ZSWIM7: variants seen among roughly 807,000 people sequenced by gnomAD.
The protein encoded by ZSWIM7 is zinc finger SWIM-type containing 7.
In ZSWIM7, 22 loss-of-function variants were observed where a neutral mutation model predicts 21.1. The ratio of observed to expected loss-of-function variants is 1.04; its 90% CI spans 0.74 to 1.49. The LOEUF (loss-of-function observed/expected upper bound fraction) is 1.49, where lower values mean the gene tolerates loss of function less well. ZSWIM7 is among the 40% of genes most tolerant of loss of function. ZSWIM7 has a pLI of 0.00. For synonymous variants in ZSWIM7, 67 were observed against 66.5 expected (o/e 1.01, Z -0.04); for missense variants, 193 against 168.0 (o/e 1.15, Z -0.82).
intron 3 of ZSWIM7, among the ~76,000 whole-genome samples, chr17:15,982,826 T>A (rs1380730783): frequency 6.6e-6 from 1 of 151,916 alleles, no homozygotes; most frequent in Non-Finnish European, 1.5e-5. Context: ...AATTTTAAAA[T>A]TTTTTTTGTA....
intron 2 of ZSWIM7, among the ~76,000 whole-genome samples, chr17:15,990,219 C>CAAA (rs71299859): frequency 1.3e-4 from 10 of 76,026 alleles, no homozygotes; most frequent in African/African-American, 4.2e-4. Flanking sequence ...AACTCTGTCT[C>CAAA]AAAAAAAAAA....
intron 3 of ZSWIM7, among the ~76,000 whole-genome samples, chr17:15,981,442 A>C: frequency 6.8e-6 from 1 of 146,784 alleles, no homozygotes; most frequent in African/African-American, 2.5e-5. Flanking sequence ...GGCCCACTCT[A>C]TGGGCTGACT....
intron 1 of ZSWIM7, among the ~76,000 whole-genome samples, chr17:15,994,362 A>G (rs143121118): frequency 9.6e-4 from 146 of 152,332 alleles, no homozygotes; most frequent in African/African-American, 3.3e-3. Flanking sequence ...TATAAGACCT[A>G]AGAAAACTGA....
In ZSWIM7 at chr17:15,992,445, T is replaced by G. The variant is rs1264923766; in HGVS notation, c.98+1312A>C. On this transcript the variant is annotated intron_variant, in intron 2 of 4. Transcript: ENST00000399277. ...TGTTAGTTGAACAGCTACGCTTTTT[T>G]TTTTTTTTTTTGAGATAGAGTTTCG... is the stretch of plus-strand genomic sequence containing the variant. 2.0e-5 allele frequency among the ~76,000 whole-genome samples: 3 copies of G among 151,042 alleles called. No homozygotes were observed. The East Asian group carries it at 5.8e-4, about 29-fold the overall frequency.
At chr17:15,996,851 G>GAA (rs760673648) in intron 1 of ZSWIM7, among the ~76,000 whole-genome samples, 2 of 128,464 alleles carry the variant, frequency 1.6e-5, no homozygotes, top group African/African-American at 2.9e-5. Context: ...ACCTTGTCTC[G>GAA]AAAAAAAAAA....
At position 15,999,363 on chromosome 17, in the gene ZSWIM7, G is replaced by GT. The variant is rs1416331297; in HGVS notation, c.76+155dup. 4 of 1,019,424 alleles carry GT rather than the reference G, an allele frequency of 3.9e-6. No individual in the cohort carries two copies. The African/African-American group carries it at 4.8e-5, about 12-fold the overall frequency. 63.1% of individuals were successfully genotyped at this position (1,019,424 alleles called of 1,614,324 possible). The stretch of plus-strand genomic sequence containing the variant: ...TCCAATTTCGCTTTTTTGTTGTTTT[G>GT]TTTTTTTGTCTTTTTACGAACAAGA... On this transcript the variant is annotated intron_variant, in intron 1 of 4. Coordinates refer to ENST00000399277, the MANE Select transcript of ZSWIM7 (RefSeq NM_001042697.2).
chr17:15,996,343 T>TAAAAACAAAAAAA (rs2151632481), intron 1 of ZSWIM7, among the ~76,000 whole-genome samples: 1 of 152,038 alleles, frequency 6.6e-6, no homozygotes. Context: ...CACAACTTTT[T>TAAAAACAAAAAAA]CAGACATAAG....
chr17:15,986,468 T>C (rs1031192787), intron 3 of ZSWIM7, among the ~76,000 whole-genome samples: 3 of 152,088 alleles, frequency 2.0e-5, no homozygotes, highest in African/African-American at 7.2e-5. Flanking sequence ...CTAAAAAAAG[T>C]TGAACTCATA....
intron 1 of ZSWIM7, among the ~76,000 whole-genome samples, chr17:15,996,555 C>T (rs1970557520): frequency 6.6e-6 from 1 of 151,950 alleles, no homozygotes; most frequent in Admixed American, 6.6e-5. Context: ...CAGAGTGAGA[C>T]CCGGTCTCAA....
intron 1 of ZSWIM7, among the ~76,000 whole-genome samples, chr17:15,999,188 G>A (rs1384209481): frequency 1.3e-5 from 2 of 152,132 alleles, no homozygotes; most frequent in East Asian, 3.9e-4. Flanking sequence ...GTAGGCTCCC[G>A]TCCCTTCCAC....
intron 3 of ZSWIM7, among the ~76,000 whole-genome samples, chr17:15,981,469 G>C (rs760027576): frequency 1.9e-4 from 27 of 144,446 alleles, no homozygotes; most frequent in African/African-American, 8.3e-5. Flanking sequence ...AGAAGGAAGT[G>C]GGGGGGGGGA....
chr17:15,989,242 C>T (rs1970452603), intron 2 of ZSWIM7, among the ~76,000 whole-genome samples: 1 of 151,682 alleles, frequency 6.6e-6, no homozygotes, highest in African/African-American at 2.4e-5. Flanking sequence ...AGGTTGAAGA[C>T]AAAATTATAT....
chr17:15,980,736 T>A (rs973774724), intron 4 of ZSWIM7, among the ~76,000 whole-genome samples: 1 of 152,204 alleles, frequency 6.6e-6, no homozygotes, highest in Non-Finnish European at 1.5e-5. Context: ...CGAATTTAGT[T>A]CATATTTTTA....
At chr17:15,990,862 T>C (rs982900822) in intron 2 of ZSWIM7, 1 of 152,148 alleles carries the variant, frequency 6.6e-6, no homozygotes, top group African/African-American at 2.4e-5. Flanking sequence ...TCTCAACAGT[T>C]ACCTTTAAGA....
chr17:15,977,994 T>C lies in ZSWIM7; in HGVS notation c.*53A>G, dbSNP rs1970299647. ...TCCATGTGAATCATGACGCTTTCAA[T>C]GCATTTCTTGACAGGATTCTATTTT... On this transcript the variant is annotated 3_prime_UTR_variant, in exon 5 of 5. Coordinates refer to ENST00000399277, the MANE Select transcript of ZSWIM7 (RefSeq NM_001042697.2). 1.4e-6 allele frequency: 2 copies of C among 1,379,710 alleles called. No individual in the cohort carries two copies. Among genetic ancestry groups the C allele is most frequent in the East Asian group, 2.3e-5 (1 of 43,496 alleles). 85.5% of individuals were successfully genotyped at this position (1,379,710 alleles called of 1,614,324 possible).
intron 1 of ZSWIM7, among the ~76,000 whole-genome samples, chr17:15,994,420 T>G (rs758610995): frequency 6.6e-6 from 1 of 152,054 alleles, no homozygotes; most frequent in Non-Finnish European, 1.5e-5. Context: ...TGAGTTACAC[T>G]CCAAAATCCA....
intron 1 of ZSWIM7, among the ~76,000 whole-genome samples, chr17:15,997,436 A>G (rs934430285): frequency 1.3e-5 from 2 of 152,214 alleles, no homozygotes; most frequent in African/African-American, 2.4e-5. Context: ...ATAAATATGT[A>G]AAAAACTAAA....
chr17:15,986,038 G>A (rs908056828), intron 3 of ZSWIM7, among the ~76,000 whole-genome samples: 1 of 147,868 alleles, frequency 6.8e-6, no homozygotes, highest in African/African-American at 2.6e-5. Context: ...GTTTTTTTTT[G>A]TGTTTTTGTT....
At chr17:15,984,734 T>C (rs775618701) in intron 3 of ZSWIM7, among the ~76,000 whole-genome samples, 11 of 152,186 alleles carry the variant, frequency 7.2e-5, no homozygotes, top group Non-Finnish European at 1.5e-4. Context: ...TTTAGTAAAA[T>C]CTGAGTAGCC....
Sources: gnomAD v4.1 joint callset for allele counts (sites outside exome capture counted in the v4.1 genomes callset) on GRCh38, gnomAD v4.1.1 for gene constraint, MANE v1.5 for transcripts, NCBI Gene and HGNC (gene_info 2026-07-23, HGNC 2026-07-21) for gene names.